Variants in ZNF680 observed in about 807,000 individuals in gnomAD.
ZNF680 encodes the protein hypothetical protein FLJ90430.
ZNF680 carries 6 observed loss-of-function variants against 12.1 expected under a neutral mutation model. That is an observed-to-expected ratio of 0.49 (90% CI 0.27 to 0.98). ZNF680 has a LOEUF of 0.98. Ranked by LOEUF, ZNF680 falls within the 50% of genes least tolerant of loss-of-function variation. The probability of loss-of-function intolerance (pLI) is 0.12; values close to 1 mark genes in which losing one functional copy is unlikely to be tolerated. For synonymous variants in ZNF680, 170 were observed against 199.3 expected (o/e 0.85, Z 1.24); for missense variants, 561 against 616.3 (o/e 0.91, Z 0.95).
At chr7:64,535,075 T>C in intron 3 of ZNF680, among the ~76,000 whole-genome samples, 1 of 152,040 alleles carries the variant, frequency 6.6e-6, no homozygotes, top group African/African-American at 2.4e-5. Flanking sequence ...GCTTACGTGA[T>C]GAGTGCACCA....
At chr7:64,537,735 G>A (rs1296741861) in intron 3 of ZNF680, among the ~76,000 whole-genome samples, 1 of 151,866 alleles carries the variant, frequency 6.6e-6, no homozygotes, top group African/African-American at 2.4e-5. Flanking sequence ...AGACCATCCT[G>A]GCTAACACAG....
intron 3 of ZNF680, among the ~76,000 whole-genome samples, chr7:64,539,368 A>AAAAAAAAAAAAAAAAAAAAAAAAAT (rs1786369070): frequency 7.3e-6 from 1 of 137,306 alleles, no homozygotes; most frequent in Non-Finnish European, 1.5e-5. Flanking sequence ...AAAAAAAAAA[A>AAAAAAAAAAAAAAAAAAAAAAAAAT]AAAAAAAGAA....
At chr7:64,546,525 C>T (rs142962648) in intron 1 of ZNF680, among the ~76,000 whole-genome samples, 4 of 152,206 alleles carry the variant, frequency 2.6e-5, no homozygotes, top group East Asian at 1.9e-4. Flanking sequence ...GTGGATTGCC[C>T]GAGCTCAGGA....
downstream of ZNF680, among the ~76,000 whole-genome samples, chr7:64,518,972 C>T (rs192322310): frequency 2.2e-4 from 33 of 152,042 alleles, no homozygotes; most frequent in Admixed American, 5.2e-4. Context: ...GTAAATGCAA[C>T]GAAAACAAAT....
chr7:64,509,557 G>T, the ZNF680 span, among the ~76,000 whole-genome samples: 3 of 151,920 alleles, frequency 2.0e-5, no homozygotes, highest in African/African-American at 7.3e-5. Flanking sequence ...TTCTTCACTG[G>T]GGCCATAGCA....
chr7:64,554,471 G>A (rs989066977), intron 1 of ZNF680, among the ~76,000 whole-genome samples: 151 of 152,086 alleles, frequency 9.9e-4, no homozygotes, highest in South Asian at 1.5e-3. Context: ...GCCTCTGACC[G>A]GCTGCCCCGT....
chr7:64,505,773 C>T, the ZNF680 span, among the ~76,000 whole-genome samples: 37 of 146,942 alleles, frequency 2.5e-4, no homozygotes, highest in Admixed American at 2.5e-3. Flanking sequence ...AATTAGACTC[C>T]TTTTTTTTTT....
chr7:64,549,208 G>T (rs1297118355), intron 1 of ZNF680, among the ~76,000 whole-genome samples: 2 of 152,028 alleles, frequency 1.3e-5, no homozygotes, highest in East Asian at 3.9e-4. Context: ...TAGCTCTTGG[G>T]TAAGAGGAAG....
chr7:64,499,577 G>A, the ZNF680 span, among the ~76,000 whole-genome samples: 1 of 152,114 alleles, frequency 6.6e-6, no homozygotes, highest in Non-Finnish European at 1.5e-5. Context: ...CCATCATAGC[G>A]AAACCCCATC....
chr7:64,500,698 G>A, the ZNF680 span: 1 of 252,944 alleles, frequency 4.0e-6, no homozygotes, highest in Non-Finnish European at 8.1e-6. Flanking sequence ...AGCGGTTGTG[G>A]CCACGTTGCC....
the ZNF680 span, among the ~76,000 whole-genome samples, chr7:64,510,706 C>G: frequency 1.7e-4 from 23 of 136,466 alleles, no homozygotes; most frequent in African/African-American, 6.1e-4. Flanking sequence ...GTCAGGAGAT[C>G]GAGACCATCC....
chr7:64,518,320 T>C (rs1791394932), downstream of ZNF680, among the ~76,000 whole-genome samples: 2 of 151,926 alleles, frequency 1.3e-5, no homozygotes, highest in Non-Finnish European at 2.9e-5. Context: ...GCAACTTTTT[T>C]TTACAATAGC....
At chr7:64,557,562 C>CA (rs1787489230) in intron 1 of ZNF680, among the ~76,000 whole-genome samples, 1 of 58,782 alleles carries the variant, frequency 1.7e-5, no homozygotes, top group Non-Finnish European at 2.8e-5. Flanking sequence ...CTCAAAAAAA[C>CA]AAAAAAACAA....
intron 1 of ZNF680, among the ~76,000 whole-genome samples, chr7:64,556,123 G>T (rs141048927): frequency 2.5e-4 from 38 of 151,980 alleles, no homozygotes; most frequent in Middle Eastern, 6.8e-3. Context: ...AGTCAGAGAT[G>T]ACACAAGCCA....
chr7:64,509,281 C>T, the ZNF680 span, among the ~76,000 whole-genome samples: 3 of 152,174 alleles, frequency 2.0e-5, no homozygotes, highest in Non-Finnish European at 2.9e-5. Context: ...CAAAACCTCT[C>T]ATCTTCCATT....
At chr7:64,545,620 A>T (rs1786749338) in intron 1 of ZNF680, among the ~76,000 whole-genome samples, 1 of 152,236 alleles carries the variant, frequency 6.6e-6, no homozygotes. Context: ...ACCATAAAGA[A>T]ACATCAATTT....
At chr7:64,526,231 G>T (rs1011344935) in intron 3 of ZNF680, 6 of 1,077,788 alleles carry the variant, frequency 5.6e-6, no homozygotes, top group Non-Finnish European at 6.8e-6. Flanking sequence ...ACTTGTAGAT[G>T]AAAAAGGCTA....
Position 64,522,153 on chromosome 7 carries a change from T to C in ZNF680, c.601A>G (p.Ile201Val), listed in dbSNP as rs1339306632. Reference protein sequence around the residue: ...FCMLSHLTQHIRIHTRENSYK... With the variant: ...FCMLSHLTQHVRIHTRENSYK... ...GAATTCTCTCTAGTGTGAATTCTTA[T>C]ATGTTGTGTTAGATGTGAAAGCATG... The change falls in exon 4 of 4, where the codon ATA becomes GTA. Residue 201 changes from isoleucine to valine, a missense_variant. Transcript: ENST00000309683. 8 of 1,612,892 alleles carry C rather than the reference T, an allele frequency of 5.0e-6. No homozygotes were observed. Among genetic ancestry groups the C allele is most frequent in the Non-Finnish European group, 6.8e-6 (8 of 1,179,444 alleles).
the ZNF680 span, chr7:64,501,174 C>A: frequency 1.2e-6 from 1 of 866,412 alleles, no homozygotes; most frequent in Non-Finnish European, 2.0e-6. Flanking sequence ...CGCCTCTATT[C>A]AGCTCCTCTC....
Sources: allele counts gnomAD v4.1 joint callset (sites outside exome capture counted in the v4.1 genomes callset), GRCh38; gene constraint gnomAD v4.1.1; transcripts MANE v1.5; gene names NCBI Gene and HGNC (gene_info 2026-07-23, HGNC 2026-07-21).